SBNO2: variants seen among roughly 807,000 people sequenced by gnomAD.
The protein encoded by SBNO2 is protein strawberry notch homolog 2.
In SBNO2, 89 loss-of-function variants were observed where a neutral mutation model predicts 146.3. The ratio of observed to expected loss-of-function variants is 0.61; its 90% confidence interval spans 0.51 to 0.73. The LOEUF (loss-of-function observed/expected upper bound fraction) is 0.73. Among genes scored for constraint, SBNO2 ranks in the 30% least tolerant of loss-of-function variants. SBNO2 has a pLI of 0.00. For synonymous variants in SBNO2, 1,147 were observed against 892.6 expected (o/e 1.29, Z -5.08); for missense variants, 2,092 against 2,003.7 (o/e 1.04, Z -0.84).
In SBNO2 at chr19:1,157,117, T is replaced by C. The variant is rs943700287; in HGVS notation, c.-126-2715A>G. On this transcript the variant is annotated intron_variant, in intron 1 of 31. Coordinates refer to ENST00000361757, the MANE Select transcript of SBNO2 (RefSeq NM_014963.3). This position sits in a 1 kb window ranked among gnomAD's most constrained non-coding sequence, Gnocchi z 6.8. Reference sequence around the variant, plus strand: ...CTAGCCCTGCCTGCAGACTCGGTCCTGTCCGAGGGCCCACGCCCCCAAGGG... The same window carrying C: ...CTAGCCCTGCCTGCAGACTCGGTCCCGTCCGAGGGCCCACGCCCCCAAGGG... Among the ~76,000 whole-genome samples, 1 of 151,290 alleles carries C rather than the reference T, an allele frequency of 6.6e-6. No homozygotes were observed. Among genetic ancestry groups the C allele is most frequent in the Non-Finnish European group, 1.5e-5 (1 of 67,876 alleles).
intron 1 of SBNO2, among the ~76,000 whole-genome samples, chr19:1,166,178 A>G (rs2080422031): frequency 1.0e-5 from 1 of 99,268 alleles, no homozygotes; most frequent in African/African-American, 3.9e-5. Context: ...CCCAGACCCC[A>G]GATCCCAGAC....
At position 1,122,964 on chromosome 19, in the gene SBNO2, G is replaced by T; in HGVS notation, c.710C>A (p.Thr237Asn). 6.4e-7 allele frequency: 1 copy of T among 1,571,230 alleles called. No individual in the cohort carries two copies. Among genetic ancestry groups the T allele is most frequent in the Non-Finnish European group, 8.6e-7 (1 of 1,159,020 alleles). The change falls in exon 8 of 32, where the codon ACC (threonine) becomes AAC (asparagine). Residue 237 changes from threonine (T) to asparagine (N), a missense_variant. By Grantham distance (65) the Thr-to-Asn change is moderately conservative (BLOSUM62 0). Coordinates refer to ENST00000361757, the MANE Select transcript of SBNO2 (RefSeq NM_014963.3). Reference sequence around the variant, plus strand: ...CCCGCTGTCCGAGGGCAGGGCCAGGGTGTAGGTGATGTCTGGGGGTGGGAC... The same window carrying T: ...CCCGCTGTCCGAGGGCAGGGCCAGGTTGTAGGTGATGTCTGGGGGTGGGAC... The part of the protein sequence containing the change: ...SSVPPPDITY[T>N]LALPSDSGAL...
At chr19:1,163,160 T>G (rs184382754) in intron 1 of SBNO2, among the ~76,000 whole-genome samples, 1 of 152,322 alleles carries the variant, frequency 6.6e-6, no homozygotes, top group Admixed American at 6.5e-5. Flanking sequence ...GGGCCTTATT[T>G]GCATACAGGG....
chr19:1,174,207 G>C lies in SBNO2; in HGVS notation c.-162C>G, dbSNP rs2080509570. On this transcript the variant is annotated 5_prime_UTR_variant, in exon 1 of 32. Transcript: ENST00000361757. Reference sequence around the variant, plus strand: ...GGTCCGGCCGGGCGCGGAGCCCGCGGCGCCTGTTTCTCCGAGCCTCGCAGC... The same window carrying C: ...GGTCCGGCCGGGCGCGGAGCCCGCGCCGCCTGTTTCTCCGAGCCTCGCAGC... 1 of 151,950 alleles carries C rather than the reference G, an allele frequency of 6.6e-6. No homozygotes were observed. Among genetic ancestry groups the C allele is most frequent in the African/African-American group, 2.4e-5 (1 of 41,386 alleles). 9.4% of individuals were successfully genotyped at this position (151,950 alleles called of 1,614,324 possible).
In SBNO2 at chr19:1,108,762, G is replaced by T; in HGVS notation, c.3616+17C>A. On this transcript the variant is annotated intron_variant, in intron 31 of 31. Coordinates refer to ENST00000361757, the MANE Select transcript of SBNO2 (RefSeq NM_014963.3). ...CTGGGGGCTCGGGCCTTCCCGGGGC[G>T]CCCGCCGCCCACTCACCCACTTGCT... The T allele has an allele frequency of 1.9e-6, 3 of 1,597,206 alleles. No individual in the cohort carries two copies. Among genetic ancestry groups the T allele is most frequent in the Non-Finnish European group, 2.5e-6 (3 of 1,177,476 alleles).
chr19:1,149,493 C>A, intron 2 of SBNO2, 51 bp from the exon 3 acceptor site: 3 of 1,509,724 alleles, frequency 2.0e-6, no homozygotes, highest in Non-Finnish European at 2.7e-6. Context: ...ACCTGCGGTG[C>A]AGCCCGGCTA....
In SBNO2 at chr19:1,154,378, G is replaced by A. The variant is rs1347256906; in HGVS notation, c.-102C>T. The stretch of plus-strand genomic sequence containing the variant: ...TATCTGGGCTTCTCGCTCCGTGGTG[G>A]CGGCGGTGGCGGCAGCATCATGATC... On this transcript the variant is annotated 5_prime_UTR_variant, in exon 2 of 32. Coordinates refer to ENST00000361757, the MANE Select transcript of SBNO2 (RefSeq NM_014963.3). The A allele has an allele frequency of 2.0e-5, 10 of 506,206 alleles. No homozygotes were observed. Among genetic ancestry groups the A allele is most frequent in the Non-Finnish European group, 2.1e-5 (7 of 325,902 alleles). The allele number at this position is 506,206 out of a possible 1,614,324, so 31.4% of individuals were successfully genotyped here. A position where few individuals can be genotyped will look rare whatever the true frequency, so the allele number is the denominator to read the frequency against.
intron 1 of SBNO2, chr19:1,155,135 C>T (rs2080278495): frequency 1.3e-5 from 2 of 152,244 alleles, no homozygotes. Context: ...GGAAAGCTTT[C>T]CAGGCGTCCG....
At position 1,108,699 on chromosome 19, in the gene SBNO2, T is replaced by G; in HGVS notation, c.3622A>C (p.Lys1208Gln). 6.4e-7 allele frequency: 1 copy of G among 1,550,516 alleles called. No individual in the cohort carries two copies. Among genetic ancestry groups the G allele is most frequent in the African/African-American group, 1.4e-5 (1 of 72,690 alleles). ...CGGCGCACGCAGCCCTCGGGGATCTTGATGCCTGCGGGCAGAGCGTCGGGG... is the reference window on the plus strand; with the variant it reads ...CGGCGCACGCAGCCCTCGGGGATCTGGATGCCTGCGGGCAGAGCGTCGGGG... Reference protein sequence around the residue: ...TKDRKKQVGIKIPEGCVRRVL... With the variant: ...TKDRKKQVGIQIPEGCVRRVL... Residue 1208 changes from lysine (K) to glutamine (Q), a missense_variant, in exon 32 of 32, where the codon AAG (lysine) becomes CAG (glutamine). Coordinates refer to ENST00000361757, the MANE Select transcript of SBNO2 (RefSeq NM_014963.3).
rs1432406684 is a variant in SBNO2 at position 1,119,523 on chromosome 19, C to G, written c.1366G>C (p.Glu456Gln). 6.2e-7 allele frequency: 1 copy of G among 1,602,808 alleles called. No homozygotes were observed. The highest frequency in any genetic ancestry group is 8.5e-7 in the Non-Finnish European group (1 of 1,173,742). The change falls in exon 13 of 32, where the codon GAG becomes CAG. Residue 456 changes from glutamate (E) to glutamine (Q), a missense_variant. Physicochemically the swap from Glu to Gln is conservative, Grantham distance 29. Transcript: ENST00000361757. ...RNFEEFLHAI[E>Q]KRGVGAMEIV... ...GGTGAGAAGGGCACTCACCTCTTCT[C>G]GATGGCGTGCAGGAACTCCTCAAAG...
intron 4 of SBNO2, among the ~76,000 whole-genome samples, chr19:1,135,094 C>T (rs957203142): frequency 2.1e-5 from 3 of 143,746 alleles, no homozygotes; most frequent in Non-Finnish European, 4.5e-5. Context: ...AGCGTAGTGG[C>T]TCACACCTGC....
At chr19:1,169,593 G>A (rs1035544536) in intron 1 of SBNO2, among the ~76,000 whole-genome samples, 2 of 152,174 alleles carry the variant, frequency 1.3e-5, no homozygotes, top group Non-Finnish European at 1.5e-5. Flanking sequence ...CCCCCGGGGG[G>A]TGGGGTGATG....
At position 1,112,789 on chromosome 19, in the gene SBNO2, G is replaced by C; in HGVS notation, c.2379+29C>G. 1 of 1,544,560 alleles carries C rather than the reference G, an allele frequency of 6.5e-7. No individual in the cohort carries two copies. Among genetic ancestry groups the C allele is most frequent in the Non-Finnish European group, 8.7e-7 (1 of 1,145,744 alleles). Reference sequence around the variant, plus strand: ...CCTCTGTGCCTCTTGGGTCCCGTGGGCCGCGCCCAGTGCACTGCAGCCCCG... The same window carrying C: ...CCTCTGTGCCTCTTGGGTCCCGTGGCCCGCGCCCAGTGCACTGCAGCCCCG... On this transcript the variant is annotated intron_variant, in intron 20 of 31. Coordinates refer to ENST00000361757, the MANE Select transcript of SBNO2 (RefSeq NM_014963.3). This position sits in a 1 kb window ranked among gnomAD's most constrained non-coding sequence, Gnocchi z 5.9.
At chr19:1,124,985 T>C (rs1410501723) in intron 5 of SBNO2, among the ~76,000 whole-genome samples, 1 of 151,908 alleles carries the variant, frequency 6.6e-6, no homozygotes, top group Non-Finnish European at 1.5e-5. Flanking sequence ...GGGTCCAAAC[T>C]AGGGTCTGTG....
rs946846232 is a variant in SBNO2, at chr19:1,122,884, A to T, written c.780+10T>A. 4 of 1,542,446 alleles carry T rather than the reference A, an allele frequency of 2.6e-6. No homozygotes were observed. Among genetic ancestry groups the T allele is most frequent in the Non-Finnish European group, 3.5e-6 (4 of 1,144,214 alleles). On this transcript the variant is annotated intron_variant, in intron 8 of 31. Coordinates refer to ENST00000361757, the MANE Select transcript of SBNO2 (RefSeq NM_014963.3). ...ACACAGGCTGGGCTGGGTTGGGGACATGCGGTCACCTGGCAGGCGTAGGTG... is the reference window on the plus strand; with the variant it reads ...ACACAGGCTGGGCTGGGTTGGGGACTTGCGGTCACCTGGCAGGCGTAGGTG...
intron 4 of SBNO2, among the ~76,000 whole-genome samples, chr19:1,131,226 C>G (rs1013657769): frequency 6.6e-6 from 1 of 152,202 alleles, no homozygotes; most frequent in Non-Finnish European, 1.5e-5. Context: ...CTCAGCTCAG[C>G]GGACCCAGTG....
intron 1 of SBNO2, among the ~76,000 whole-genome samples, chr19:1,160,834 T>A (rs1027665995): frequency 1.3e-5 from 2 of 152,106 alleles, no homozygotes; most frequent in African/African-American, 4.8e-5. Flanking sequence ...CCGGCCCGAA[T>A]GGAAATCATT....
Position 1,136,047 on chromosome 19 carries a change from G to A in SBNO2, c.280-8282C>T, listed in dbSNP as rs1220506240. On this transcript the variant is annotated intron_variant, in intron 4 of 31. Transcript: ENST00000361757. This position sits in a 1 kb window ranked among gnomAD's most constrained non-coding sequence, Gnocchi z 4.2. ...AAAAAAAAGGCCGCACTGGCCGAGC[G>A]GGTGTTCTGTGCCTGGTGTCCTCAT... Among the ~76,000 whole-genome samples the A allele has an allele frequency of 1.3e-5, 2 of 152,110 alleles. No homozygotes were observed. Among genetic ancestry groups the A allele is most frequent in the South Asian group, 2.1e-4 (1 of 4,826 alleles).
chr19:1,132,017 C>G (rs1182993166), intron 4 of SBNO2: 2 of 1,196,790 alleles, frequency 1.7e-6, no homozygotes, highest in South Asian at 1.6e-5. Flanking sequence ...GGGGCCCGGC[C>G]GTCCTGAATG....
Sources: allele counts gnomAD v4.1 joint callset (sites outside exome capture counted in the v4.1 genomes callset), GRCh38; gene constraint gnomAD v4.1.1; non-coding constraint Gnocchi (gnomAD v3.1); transcripts MANE v1.5; gene names NCBI Gene and HGNC (gene_info 2026-07-23, HGNC 2026-07-21).